CSMD1: variants seen among roughly 807,000 people sequenced by gnomAD.
CSMD1 encodes the protein CUB and sushi domain-containing protein 1.
Under a neutral mutation model 417.5 loss-of-function variants are expected in CSMD1, and 213 were observed. The ratio of observed to expected loss-of-function variants is 0.51; its 90% confidence interval spans 0.46 to 0.57. The LOEUF is 0.57. Ranked by LOEUF, CSMD1 falls within the 20% of genes least tolerant of loss-of-function variation. The pLI is 0.00. For synonymous variants in CSMD1, 2,862 were observed against 1,736.8 expected, an observed-to-expected ratio of 1.65 and a Z score of -16.11; for missense variants, 6,923 against 4,529.7, an observed-to-expected ratio of 1.53 and a Z score of -15.17.
intron 7 of CSMD1, among the ~76,000 whole-genome samples, chr8:3,633,661 A>G (rs540934666): frequency 6.6e-6 from 1 of 152,232 alleles, no homozygotes; most frequent in Non-Finnish European, 1.5e-5. Context: ...TTCAATCTTA[A>G]GACATGAAAA....
At chr8:4,090,947 C>T (rs1800686817) in intron 3 of CSMD1, among the ~76,000 whole-genome samples, 1 of 146,964 alleles carries the variant, frequency 6.8e-6, no homozygotes, top group Admixed American at 6.8e-5. Context: ...GAGATGGGGT[C>T]TTGGTCTGTC....
chr8:3,184,995 T>C (rs1821653480), intron 36 of CSMD1, among the ~76,000 whole-genome samples: 1 of 152,232 alleles, frequency 6.6e-6, no homozygotes, highest in Non-Finnish European at 1.5e-5. Flanking sequence ...GTTTGTCTCC[T>C]TTATAATATA....
intron 7 of CSMD1, among the ~76,000 whole-genome samples, chr8:3,681,060 A>T (rs368045590): frequency 6.6e-6 from 1 of 152,104 alleles, no homozygotes; most frequent in Admixed American, 6.6e-5. Context: ...GAGCTATTTA[A>T]GACAAACCCA....
chr8:4,714,831 T>C (rs1808546008), intron 1 of CSMD1, among the ~76,000 whole-genome samples: 1 of 152,204 alleles, frequency 6.6e-6, no homozygotes, highest in South Asian at 2.1e-4. Context: ...TAACATTAGA[T>C]TTTTCTTTTG....
intron 5 of CSMD1, among the ~76,000 whole-genome samples, chr8:3,924,355 A>G (rs985493742): frequency 6.6e-6 from 1 of 152,186 alleles, no homozygotes; most frequent in African/African-American, 2.4e-5. Context: ...GAGAATCACT[A>G]AAAGCTCAAG....
intron 6 of CSMD1, among the ~76,000 whole-genome samples, chr8:3,711,898 G>C (rs1801527617): frequency 6.6e-6 from 1 of 152,206 alleles, no homozygotes; most frequent in South Asian, 2.1e-4. Flanking sequence ...AAACAGATAA[G>C]ACAAACAGAG....
At chr8:4,724,520 A>ATATGTG (rs1310632825) in intron 1 of CSMD1, among the ~76,000 whole-genome samples, 31 of 145,310 alleles carry the variant, frequency 2.1e-4, no homozygotes, top group African/African-American at 7.7e-4. Context: ...TTATATATAT[A>ATATGTG]TGTGTGTGTG....
intron 20 of CSMD1, among the ~76,000 whole-genome samples, chr8:3,361,999 A>G (rs908147558): frequency 6.6e-6 from 1 of 152,218 alleles, no homozygotes; most frequent in Non-Finnish European, 1.5e-5. Flanking sequence ...TAACACAAGA[A>G]AAGTGTATTG....
chr8:4,425,271 T>C (rs1165075415), intron 2 of CSMD1, among the ~76,000 whole-genome samples: 1 of 151,792 alleles, frequency 6.6e-6, no homozygotes, highest in Non-Finnish European at 1.5e-5. Context: ...ATAAGACTAC[T>C]GTTCAGAGGT....
Position 4,077,037 on chromosome 8 carries a change from A to G in CSMD1, c.416-44938T>C, listed in dbSNP as rs116111219. ...AAATTGCAACTCTAGGTAATTCTGT[A>G]CTATGTGGTATCTAACCCTTATTCT... On this transcript the variant is annotated intron_variant, in intron 3 of 69. Transcript: ENST00000635120. Among the ~76,000 whole-genome samples, 808 of 152,204 alleles carry G rather than the reference A, an allele frequency of 5.3e-3. 7 individuals carry two copies. Among genetic ancestry groups the G allele is most frequent in the African/African-American group, 0.019 (769 of 41,522 alleles).
intron 3 of CSMD1, among the ~76,000 whole-genome samples, chr8:4,227,712 C>G (rs554484616): frequency 7.3e-4 from 111 of 151,952 alleles, no homozygotes; most frequent in African/African-American, 2.7e-3. Context: ...TGGAGACACA[C>G]CCTCCACCCC....
chr8:3,470,443 G>C (rs1817021562), intron 11 of CSMD1, among the ~76,000 whole-genome samples: 1 of 152,058 alleles, frequency 6.6e-6, no homozygotes, highest in Non-Finnish European at 1.5e-5. Flanking sequence ...TCCCCGAGTG[G>C]TAACATCTTG....
At chr8:4,051,075 C>T (rs1055430271) in intron 3 of CSMD1, among the ~76,000 whole-genome samples, 1 of 151,984 alleles carries the variant, frequency 6.6e-6, no homozygotes, top group African/African-American at 2.4e-5. Flanking sequence ...TTGAAGCGCA[C>T]TGCCCTGAGT....
intron 38 of CSMD1, 134 bp downstream of exon 38, chr8:3,162,025 T>C: frequency 5.0e-6 from 3 of 605,304 alleles, no homozygotes; most frequent in Non-Finnish European, 5.9e-6. Context: ...CCAACATGCA[T>C]GATTTAATAT....
At chr8:3,776,250 C>T (rs1486622406) in intron 5 of CSMD1, among the ~76,000 whole-genome samples, 1 of 152,180 alleles carries the variant, frequency 6.6e-6, no homozygotes, top group African/African-American at 2.4e-5. Context: ...AGCCTCCCTG[C>T]TTCTATCCTC....
At chr8:2,992,243 G>T (rs1806458319) in intron 54 of CSMD1, among the ~76,000 whole-genome samples, 1 of 152,034 alleles carries the variant, frequency 6.6e-6, no homozygotes, top group African/African-American at 2.4e-5. Context: ...CACACTCATT[G>T]CTGGGAGGTA....
chr8:4,625,948 T>A (rs1802080352), intron 2 of CSMD1, among the ~76,000 whole-genome samples: 1 of 152,146 alleles, frequency 6.6e-6, no homozygotes, highest in African/African-American at 2.4e-5. Context: ...GGTCTCGAAC[T>A]CCTGACCTCT....
intron 5 of CSMD1, among the ~76,000 whole-genome samples, chr8:3,936,134 G>A (rs902979975): frequency 6.6e-6 from 1 of 151,084 alleles, no homozygotes; most frequent in African/African-American, 2.4e-5. Flanking sequence ...AAGTAAGGAA[G>A]CTGCAGAAGA....
intron 3 of CSMD1, among the ~76,000 whole-genome samples, chr8:4,222,029 T>C (rs917388789): frequency 8.0e-6 from 1 of 125,624 alleles, no homozygotes; most frequent in African/African-American, 3.0e-5. Flanking sequence ...TACATTTTAG[T>C]TCTCTAGAGT....
Sources: allele counts gnomAD v4.1 joint callset (sites outside exome capture counted in the v4.1 genomes callset), GRCh38; gene constraint gnomAD v4.1.1; transcripts MANE v1.5; gene names NCBI Gene and HGNC (gene_info 2026-07-23, HGNC 2026-07-21).